The following CSNK1G1 variants were observed in gnomAD, a reference collection of about 807,000 sequenced individuals.
The protein encoded by CSNK1G1 is casein kinase I isoform gamma-1.
A neutral mutation model predicts 59.6 loss-of-function variants in CSNK1G1; 22 were observed. The observed-to-expected ratio is 0.37, with a 90% CI of 0.26 to 0.53. The LOEUF (loss-of-function observed/expected upper bound fraction) is 0.53, where lower values mean the gene tolerates loss of function less well. Ranked by LOEUF, CSNK1G1 falls within the 20% of genes least tolerant of loss-of-function variation. The pLI, the probability that CSNK1G1 is intolerant of heterozygous loss-of-function variation, is 0.89. For missense variants in CSNK1G1, 384 were observed against 519.5 expected (o/e 0.74, Z 2.54); for synonymous variants, 179 against 177.1 (o/e 1.01, Z -0.08).
intron 4 of CSNK1G1, among the ~76,000 whole-genome samples, chr15:64,228,510 C>T (rs1277208500): frequency 1.3e-5 from 2 of 152,154 alleles, no homozygotes; most frequent in Non-Finnish European, 2.9e-5. Flanking sequence ...GTGGCGCACG[C>T]CTGTATTCCC....
intron 1 of CSNK1G1, among the ~76,000 whole-genome samples, chr15:64,333,509 G>C (rs1167817361): frequency 6.9e-6 from 1 of 145,052 alleles, no homozygotes; most frequent in Non-Finnish European, 1.5e-5. Context: ...AACTCACAAG[G>C]TCTATAAAAT....
At chr15:64,257,890 T>G (rs577974845) in intron 3 of CSNK1G1, among the ~76,000 whole-genome samples, 1 of 152,276 alleles carries the variant, frequency 6.6e-6, no homozygotes, top group South Asian at 2.1e-4. Context: ...TTACCTCTCT[T>G]CCTGCTCCCA....
chr15:64,183,081 G>A (rs1483612272), intron 10 of CSNK1G1, among the ~76,000 whole-genome samples: 2 of 152,162 alleles, frequency 1.3e-5, no homozygotes, highest in African/African-American at 4.8e-5. Flanking sequence ...TAGACAAGAC[G>A]TTAAATAAAA....
chr15:64,264,799 A>C (rs1012574554), intron 2 of CSNK1G1, among the ~76,000 whole-genome samples: 1 of 152,246 alleles, frequency 6.6e-6, no homozygotes, highest in Non-Finnish European at 1.5e-5. Context: ...AGACACAGAA[A>C]AGACATTTGA....
chr15:64,204,413 A>T (rs759261173), intron 9 of CSNK1G1, 28 bp downstream of exon 9: 48 of 104,884 alleles, frequency 4.6e-4, no homozygotes, highest in African/African-American at 1.9e-3. Flanking sequence ...TAATGAGGTT[A>T]AAAAAAAAAA....
At chr15:64,253,762 C>T (rs1414467030) in intron 3 of CSNK1G1, among the ~76,000 whole-genome samples, 5 of 152,186 alleles carry the variant, frequency 3.3e-5, no homozygotes, top group African/African-American at 1.2e-4. Context: ...ACACATGCTA[C>T]AACACGGGCA....
chr15:64,177,462 A>T (rs1172587624), intron 11 of CSNK1G1, among the ~76,000 whole-genome samples: 1 of 152,232 alleles, frequency 6.6e-6, no homozygotes, highest in African/African-American at 2.4e-5. Flanking sequence ...TTCTCTGGGC[A>T]AGATGGATTG....
At chr15:64,349,682 T>A (rs143168595) in intron 1 of CSNK1G1, among the ~76,000 whole-genome samples, 4 of 152,350 alleles carry the variant, frequency 2.6e-5, no homozygotes, top group Admixed American at 6.5e-5. Context: ...TTCTCTGAGA[T>A]GACTGAGTCT....
intron 4 of CSNK1G1, among the ~76,000 whole-genome samples, chr15:64,220,836 G>A (rs2082379495): frequency 6.6e-6 from 1 of 152,292 alleles, no homozygotes; most frequent in South Asian, 2.1e-4. Context: ...TTACAGGCAT[G>A]AGCCTCCGTG....
chr15:64,307,261 A>G (rs1395952958), intron 1 of CSNK1G1, among the ~76,000 whole-genome samples: 1 of 152,000 alleles, frequency 6.6e-6, no homozygotes, highest in African/African-American at 2.4e-5. Context: ...ATATAGGGGA[A>G]CTCTGTACTC....
At chr15:64,203,020 T>C in intron 10 of CSNK1G1, 62 bp downstream of exon 10, 1 of 1,185,080 alleles carries the variant, frequency 8.4e-7, no homozygotes, top group Non-Finnish European at 1.3e-6. Flanking sequence ...CTGAAGAATT[T>C]GGGTTTTAAT....
intron 4 of CSNK1G1, among the ~76,000 whole-genome samples, chr15:64,229,528 T>C (rs368666039): frequency 6.2e-5 from 9 of 144,242 alleles, no homozygotes; most frequent in Admixed American, 1.4e-4. Context: ...CTCTCTCTCT[T>C]TCTCTCTCTC....
intron 1 of CSNK1G1, among the ~76,000 whole-genome samples, chr15:64,345,346 T>G (rs1425789664): frequency 6.6e-6 from 1 of 152,194 alleles, no homozygotes; most frequent in African/African-American, 2.4e-5. Context: ...ATTCAGTTTT[T>G]GCCAGCTCAA....
intron 4 of CSNK1G1, among the ~76,000 whole-genome samples, chr15:64,222,554 C>G (rs2082405035): frequency 6.6e-6 from 1 of 150,394 alleles, no homozygotes; most frequent in South Asian, 2.1e-4. Flanking sequence ...TGTAAAGCCA[C>G]AGAACTATGA....
Position 64,300,576 on chromosome 15 carries a change from T to C in CSNK1G1, c.-77A>G. On this transcript the variant is annotated 5_prime_UTR_variant, in exon 2 of 12. Coordinates refer to ENST00000303052, the MANE Select transcript of CSNK1G1 (RefSeq NM_022048.5). Reference sequence around the variant, plus strand: ...TACCTCTCTTCAATACAAAAGTATGTCCAAATAAATTGTAGTCAGAGAAAG... The same window carrying C: ...TACCTCTCTTCAATACAAAAGTATGCCCAAATAAATTGTAGTCAGAGAAAG... The C allele has an allele frequency of 6.8e-7, 1 of 1,480,142 alleles. No homozygotes were observed. The highest frequency in any genetic ancestry group is 9.0e-7 in the Non-Finnish European group (1 of 1,111,624). 91.7% of individuals were successfully genotyped at this position (1,480,142 alleles called of 1,614,324 possible).
rs180994109 is a variant in CSNK1G1 at position 64,193,436 on chromosome 15, G to C, written c.1107+9646C>G. Among the ~76,000 whole-genome samples the C allele has an allele frequency of 2.3e-3, 338 of 150,174 alleles. 2 individuals are homozygous for C. Among genetic ancestry groups the C allele is most frequent in the Non-Finnish European group, 4.2e-3 (282 of 67,898 alleles). On this transcript the variant is annotated intron_variant, in intron 10 of 11. Transcript: ENST00000303052. ...TGAACCTGGGAGGCGGAGGTTGCATGAGCCGAGATCGCGCCACTGCACTCC... is the reference window on the plus strand; with the variant it reads ...TGAACCTGGGAGGCGGAGGTTGCATCAGCCGAGATCGCGCCACTGCACTCC...
chr15:64,317,797 C>T (rs1896354512), intron 1 of CSNK1G1, among the ~76,000 whole-genome samples: 1 of 152,182 alleles, frequency 6.6e-6, no homozygotes, highest in Admixed American at 6.5e-5. Context: ...CACATTCAGC[C>T]TCATGTCTGT....
chr15:64,294,159 A>G (rs1215087956), intron 2 of CSNK1G1, among the ~76,000 whole-genome samples: 1 of 152,094 alleles, frequency 6.6e-6, no homozygotes, highest in African/African-American at 2.4e-5. Flanking sequence ...TGCAACCTCC[A>G]TCTCCCAGGT....
intron 2 of CSNK1G1, among the ~76,000 whole-genome samples, chr15:64,281,461 AAG>A (rs1894129233): frequency 6.6e-6 from 1 of 152,098 alleles, no homozygotes; most frequent in Non-Finnish European, 1.5e-5. Context: ...AAAAAATAAA[AAG>A]AGAAAGTAGA....
Sources: gnomAD v4.1 joint callset for allele counts (sites outside exome capture counted in the v4.1 genomes callset) on GRCh38, gnomAD v4.1.1 for gene constraint, MANE v1.5 for transcripts, NCBI Gene and HGNC (gene_info 2026-07-23, HGNC 2026-07-21) for gene names.